The following MSRA variants were observed in gnomAD, a reference collection of about 807,000 sequenced individuals.
MSRA encodes the protein methionine sulfoxide reductase A.
A neutral mutation model predicts 31.3 loss-of-function variants in MSRA; 54 were observed. That is an observed-to-expected ratio of 1.73 (90% CI 1.39 to 2.17). MSRA has a LOEUF of 2.17. Ranked by LOEUF, MSRA falls within the 30% of genes most tolerant of loss-of-function variation. MSRA has a pLI of 0.00. For synonymous variants in MSRA, 169 were observed against 116.5 expected (o/e 1.45, Z -2.90); for missense variants, 507 against 300.9 (o/e 1.69, Z -5.07).
intron 5 of MSRA, among the ~76,000 whole-genome samples, chr8:10,406,601 C>T (rs1475463025): frequency 6.6e-6 from 1 of 152,158 alleles, no homozygotes; most frequent in Non-Finnish European, 1.5e-5. Context: ...GGAGGCGTCT[C>T]CTTGGTGCTG....
In MSRA at chr8:10,196,139, G is replaced by A. The variant is rs547291871; in HGVS notation, c.143-11694G>A. On this transcript the variant is annotated intron_variant, in intron 1 of 5. Coordinates refer to ENST00000317173, the MANE Select transcript of MSRA (RefSeq NM_012331.5). ...TGCCCCTTGCAACCTCCAGGCATAC[G>A]ATGTGCCTTCAAGGGACAGTGTGGT... Among the ~76,000 whole-genome samples, 35 of 152,320 alleles carry A rather than the reference G, an allele frequency of 2.3e-4. No homozygotes were observed. The South Asian group carries it at 4.1e-3, about 18-fold the overall frequency.
chr8:10,337,785 C>T, intron 5 of MSRA: 1 of 702,640 alleles, frequency 1.4e-6, no homozygotes, highest in Non-Finnish European at 2.6e-6. Context: ...TGGGTGCAGC[C>T]ATCTTCAAGA....
intron 1 of MSRA, among the ~76,000 whole-genome samples, chr8:10,147,029 C>T (rs1481101233): frequency 1.3e-5 from 2 of 152,134 alleles, no homozygotes; most frequent in African/African-American, 2.4e-5. Context: ...CCGGCAGAGG[C>T]GAGGTGGCCC....
At chr8:10,310,517 G>T (rs1801376682) in intron 4 of MSRA, among the ~76,000 whole-genome samples, 1 of 152,162 alleles carries the variant, frequency 6.6e-6, no homozygotes, top group Non-Finnish European at 1.5e-5. Context: ...CCTTTCTAGT[G>T]TTACAAGGGT....
intron 1 of MSRA, among the ~76,000 whole-genome samples, chr8:10,100,572 CAG>C (rs948505930): frequency 6.6e-6 from 1 of 151,984 alleles, no homozygotes; most frequent in Non-Finnish European, 1.5e-5. Context: ...CATGGTGAAA[CAG>C]GGGAGGATGA....
At chr8:10,084,442 A>G (rs1010581569) in intron 1 of MSRA, among the ~76,000 whole-genome samples, 5 of 152,200 alleles carry the variant, frequency 3.3e-5, no homozygotes, top group African/African-American at 9.7e-5. Context: ...TAGTTCATCA[A>G]ACAGATCTTA....
chr8:10,292,266 A>G (rs1216921768), intron 3 of MSRA, among the ~76,000 whole-genome samples: 1 of 152,184 alleles, frequency 6.6e-6, no homozygotes, highest in Non-Finnish European at 1.5e-5. Context: ...CGGATGAAGG[A>G]TAAGTGAGTG....
intron 1 of MSRA, among the ~76,000 whole-genome samples, chr8:10,198,360 ATATTAT>A (rs1341811176): frequency 6.6e-6 from 1 of 151,806 alleles, no homozygotes; most frequent in Admixed American, 6.6e-5. Flanking sequence ...AACTCCATAT[ATATTAT>A]TATTATTTCC....
At chr8:10,146,675 T>C in intron 1 of MSRA, among the ~76,000 whole-genome samples, 1 of 152,124 alleles carries the variant, frequency 6.6e-6, no homozygotes, top group East Asian at 1.9e-4. Flanking sequence ...GTCAGTTGTA[T>C]GGTATGTGAA....
At chr8:10,066,847 C>T (rs1797477853) in intron 1 of MSRA, among the ~76,000 whole-genome samples, 2 of 150,710 alleles carry the variant, frequency 1.3e-5, no homozygotes, top group African/African-American at 4.9e-5. Context: ...GCTGGTATAT[C>T]TTTAGTATGT....
At chr8:10,389,228 G>A (rs184137427) in intron 5 of MSRA, among the ~76,000 whole-genome samples, 57 of 152,222 alleles carry the variant, frequency 3.7e-4, no homozygotes, top group African/African-American at 1.3e-3. Flanking sequence ...AGTTTCCTGG[G>A]TGACTTGAAA....
chr8:10,283,033 T>G (rs1205283345), intron 3 of MSRA, among the ~76,000 whole-genome samples: 2 of 151,934 alleles, frequency 1.3e-5, no homozygotes, highest in Admixed American at 1.3e-4. Flanking sequence ...ATTCTTAACT[T>G]CAAGAGCTTC....
At chr8:10,326,364 T>C (rs1023797153) in intron 5 of MSRA, 2 of 152,214 alleles carry the variant, frequency 1.3e-5, no homozygotes, top group Non-Finnish European at 2.9e-5. Context: ...TGATTTTCCA[T>C]TGAAACTGTG....
chr8:10,347,310 T>A (rs1803843693), intron 5 of MSRA, among the ~76,000 whole-genome samples: 1 of 152,188 alleles, frequency 6.6e-6, no homozygotes, highest in African/African-American at 2.4e-5. Flanking sequence ...TGGTCTGCAT[T>A]TCTCCCTGCC....
At chr8:10,349,281 A>G (rs924710523) in intron 5 of MSRA, among the ~76,000 whole-genome samples, 1 of 152,226 alleles carries the variant, frequency 6.6e-6, no homozygotes, top group African/African-American at 2.4e-5. Context: ...CAACCATTTC[A>G]AACAGTTTTA....
At chr8:10,172,355 C>G (rs896259915) in intron 1 of MSRA, among the ~76,000 whole-genome samples, 2 of 152,026 alleles carry the variant, frequency 1.3e-5, no homozygotes, top group Non-Finnish European at 2.9e-5. Flanking sequence ...AAAGATGGGA[C>G]TGGTAGGAAG....
At chr8:10,396,378 T>G (rs1807099718) in intron 5 of MSRA, among the ~76,000 whole-genome samples, 1 of 152,148 alleles carries the variant, frequency 6.6e-6, no homozygotes, top group African/African-American at 2.4e-5. Context: ...TTTTCCTCCA[T>G]TTGGGGGGCT....
At chr8:10,271,307 T>G (rs1405239292) in intron 3 of MSRA, among the ~76,000 whole-genome samples, 1 of 152,126 alleles carries the variant, frequency 6.6e-6, no homozygotes, top group Non-Finnish European at 1.5e-5. Flanking sequence ...ACCCAGAATT[T>G]GGGATACACT....
intron 3 of MSRA, among the ~76,000 whole-genome samples, chr8:10,298,011 G>C (rs1180138661): frequency 6.6e-6 from 1 of 152,196 alleles, no homozygotes; most frequent in Non-Finnish European, 1.5e-5. Flanking sequence ...GGTCATAGTA[G>C]GAGGTTGAGC....
Sources: gnomAD v4.1 joint callset for allele counts (sites outside exome capture counted in the v4.1 genomes callset) on GRCh38, gnomAD v4.1.1 for gene constraint, MANE v1.5 for transcripts, NCBI Gene and HGNC (gene_info 2026-07-23, HGNC 2026-07-21) for gene names.